Variants in CNTN5 observed in about 807,000 individuals in gnomAD.
CNTN5 encodes contactin-5.
In CNTN5, 77 loss-of-function variants were observed where a neutral mutation model predicts 129.1. The observed-to-expected ratio is 0.60, with a 90% CI of 0.50 to 0.72. The LOEUF (loss-of-function observed/expected upper bound fraction) is 0.72, where lower values mean the gene tolerates loss of function less well. CNTN5 is among the 30% of genes least tolerant of loss of function. The pLI is 0.00. For missense variants in CNTN5, 1,478 were observed against 1,328.8 expected (o/e 1.11, Z -1.75); for synonymous variants, 509 against 465.6 (o/e 1.09, Z -1.20).
At chr11:99,984,593 A>C (rs887735846) in intron 8 of CNTN5, among the ~76,000 whole-genome samples, 5 of 151,950 alleles carry the variant, frequency 3.3e-5, no homozygotes, top group African/African-American at 9.7e-5. Flanking sequence ...TGTTCCTTTT[A>C]AATGTTTTTA....
intron 1 of CNTN5, among the ~76,000 whole-genome samples, chr11:99,098,022 G>T (rs1313344998): frequency 6.6e-6 from 1 of 152,006 alleles, no homozygotes; most frequent in Non-Finnish European, 1.5e-5. Context: ...TAAATTTGCT[G>T]TATCTAGGTT....
At chr11:100,090,509 C>CCCTCCCTCCCTCCCTCCCTCCCTCCCTT (rs1565230704) in intron 13 of CNTN5, among the ~76,000 whole-genome samples, 1 of 44,178 alleles carries the variant, frequency 2.3e-5, no homozygotes. Flanking sequence ...TTTCCTCCCT[C>CCCTCCCTCCCTCCCTCCCTCCCTCCCTT]CCTCCCTCCC....
intron 1 of CNTN5, among the ~76,000 whole-genome samples, chr11:99,158,542 T>A (rs1287435572): frequency 6.6e-6 from 1 of 152,180 alleles, no homozygotes; most frequent in Non-Finnish European, 1.5e-5. Context: ...CTGTTTAATT[T>A]TTTTGCATAT....
intron 3 of CNTN5, among the ~76,000 whole-genome samples, chr11:99,598,329 CCTCTCTCTCTCTCTCTCT>C (rs1163753320): frequency 1.6e-3 from 20 of 12,648 alleles, no homozygotes; most frequent in African/African-American, 3.9e-3. Flanking sequence ...CTTTTCTGTC[CCTCTCTCTCTCTCTCTCT>C]CTCTCTCTCT....
chr11:99,656,755 G>A (rs928644432), intron 3 of CNTN5, among the ~76,000 whole-genome samples: 3 of 152,032 alleles, frequency 2.0e-5, no homozygotes, highest in African/African-American at 7.2e-5. Flanking sequence ...GAAAACAGGA[G>A]ATCAGCAAAT....
At chr11:99,065,538 A>C (rs1231291808) in intron 1 of CNTN5, among the ~76,000 whole-genome samples, 1 of 152,196 alleles carries the variant, frequency 6.6e-6, no homozygotes, top group Non-Finnish European at 1.5e-5. Context: ...ATAAAAGGAA[A>C]TGAATTATTT....
chr11:99,619,632 GA>G (rs1950867798), intron 3 of CNTN5, among the ~76,000 whole-genome samples: 1 of 151,974 alleles, frequency 6.6e-6, no homozygotes, highest in African/African-American at 2.4e-5. Flanking sequence ...TATAATTTTG[GA>G]ACTCTGTGAT....
chr11:99,953,500 C>T (rs534127536), intron 7 of CNTN5, among the ~76,000 whole-genome samples: 29 of 152,104 alleles, frequency 1.9e-4, no homozygotes, highest in Non-Finnish European at 2.8e-4. Flanking sequence ...AAGGAAATCC[C>T]GAAGTATCAG....
chr11:99,438,530 T>C (rs1334644494), intron 2 of CNTN5, among the ~76,000 whole-genome samples: 1 of 152,126 alleles, frequency 6.6e-6, no homozygotes, highest in Non-Finnish European at 1.5e-5. Flanking sequence ...TCCTATCTCT[T>C]TATCTCTTCA....
chr11:99,991,125 T>C (rs915815175), intron 8 of CNTN5, among the ~76,000 whole-genome samples: 3 of 152,240 alleles, frequency 2.0e-5, no homozygotes, highest in African/African-American at 7.2e-5. Context: ...GAACCTGATA[T>C]TGTGTCACCA....
intron 1 of CNTN5, among the ~76,000 whole-genome samples, chr11:99,073,829 T>A (rs1310717765): frequency 2.6e-5 from 4 of 152,202 alleles, no homozygotes; most frequent in Non-Finnish European, 4.4e-5. Flanking sequence ...AGTGCTGCAG[T>A]AAACATATGT....
chr11:99,961,489 T>G (rs1315621064), intron 8 of CNTN5, among the ~76,000 whole-genome samples: 1 of 151,968 alleles, frequency 6.6e-6, no homozygotes, highest in African/African-American at 2.4e-5. Context: ...AAACACAGAA[T>G]AAAGTGTAAG....
At chr11:100,308,243 C>T in intron 20 of CNTN5, 116 bp from the exon 21 acceptor site, 1 of 868,708 alleles carries the variant, frequency 1.2e-6, no homozygotes, top group Non-Finnish European at 1.7e-6. Context: ...TTTATAACTA[C>T]CACAGCACTT....
At chr11:99,980,827 A>G (rs1283335731) in intron 8 of CNTN5, among the ~76,000 whole-genome samples, 1 of 151,980 alleles carries the variant, frequency 6.6e-6, no homozygotes, top group Non-Finnish European at 1.5e-5. Context: ...TATGAAAGTG[A>G]AAACAAGTAC....
chr11:99,985,938 C>A (rs1354460566), intron 8 of CNTN5, among the ~76,000 whole-genome samples: 1 of 152,158 alleles, frequency 6.6e-6, no homozygotes, highest in Admixed American at 6.5e-5. Flanking sequence ...GCCACCCTTT[C>A]CTGTGGTAAT....
Position 99,780,427 on chromosome 11 carries a change from T to A in CNTN5, c.56-39117T>A, listed in dbSNP as rs1374942097. Among the ~76,000 whole-genome samples, 5 of 151,958 alleles carry A rather than the reference T, an allele frequency of 3.3e-5. No homozygotes were observed. The East Asian group carries it at 7.8e-4, about 24-fold the overall frequency. On this transcript the variant is annotated intron_variant, in intron 3 of 24. Coordinates refer to ENST00000524871, the MANE Select transcript of CNTN5 (RefSeq NM_014361.4). ...TTAGCTGGGAGGAAAGAAAAGACAT[T>A]ATAACGACACTTTAAATGAGAAATG... is the stretch of plus-strand genomic sequence containing the variant.
At chr11:100,335,743 G>A (rs1168333017) in intron 21 of CNTN5, among the ~76,000 whole-genome samples, 1 of 150,870 alleles carries the variant, frequency 6.6e-6, no homozygotes. Flanking sequence ...ACTCCAGCCT[G>A]GGCAATAGCG....
Position 99,710,210 on chromosome 11 carries a change from T to C in CNTN5, c.56-109334T>C, listed in dbSNP as rs573393421. 3.3e-5 allele frequency among the ~76,000 whole-genome samples: 5 copies of C among 151,086 alleles called. 1 individual carries two copies. The highest frequency in any genetic ancestry group is 4.2e-4 in the South Asian group (2 of 4,808). ...TAGTCCCATTCTAGGGTCACCGCTG[T>C]TGTTGTATTTATCATCACTGCCCAG... On this transcript the variant is annotated intron_variant, in intron 3 of 24. Coordinates refer to ENST00000524871, the MANE Select transcript of CNTN5 (RefSeq NM_014361.4).
intron 2 of CNTN5, among the ~76,000 whole-genome samples, chr11:99,522,471 G>A (rs572921612): frequency 1.4e-4 from 22 of 152,006 alleles, no homozygotes; most frequent in Admixed American, 7.2e-4. Flanking sequence ...ACTGGAACAA[G>A]TAACGGTATT....
Sources: allele counts gnomAD v4.1 joint callset (sites outside exome capture counted in the v4.1 genomes callset), GRCh38; gene constraint gnomAD v4.1.1; transcripts MANE v1.5; gene names NCBI Gene and HGNC (gene_info 2026-07-23, HGNC 2026-07-21).